Variants in PACS1 observed in about 807,000 individuals in gnomAD.
The protein encoded by PACS1 is phosphofurin acidic cluster sorting protein 1, also known as PACS-1.
Under a neutral mutation model 115.0 loss-of-function variants are expected in PACS1, and 24 were observed. The observed-to-expected ratio is 0.21, with a 90% CI of 0.15 to 0.29. The LOEUF is 0.29. Ranked by LOEUF, PACS1 falls within the 10% of genes least tolerant of loss-of-function variation. The pLI is 1.00. For missense variants in PACS1, 838 were observed against 1,251.2 expected (o/e 0.67, Z 4.98); for synonymous variants, 453 against 504.5 (o/e 0.90, Z 1.37).
chr11:66,150,472 G>GAAA (rs5792382), intron 1 of PACS1, among the ~76,000 whole-genome samples: 1 of 148,646 alleles, frequency 6.7e-6, no homozygotes, highest in Non-Finnish European at 1.5e-5. Flanking sequence ...CACTAAAATA[G>GAAA]AAAAAAAAAA....
At chr11:66,074,506 A>C (rs1379541893) in intron 1 of PACS1, among the ~76,000 whole-genome samples, 1 of 152,156 alleles carries the variant, frequency 6.6e-6, no homozygotes, top group Non-Finnish European at 1.5e-5. Context: ...GGAGAGGCAG[A>C]AAAATTACTA....
intron 11 of PACS1, 33 bp from the exon 12 acceptor site, chr11:66,230,515 G>T: frequency 6.6e-7 from 1 of 1,506,324 alleles, no homozygotes. Flanking sequence ...TGAGTGGGAG[G>T]TCATCTTCAC....
intron 10 of PACS1, among the ~76,000 whole-genome samples, chr11:66,225,838 G>A (rs1227460280): frequency 6.6e-6 from 1 of 152,124 alleles, no homozygotes; most frequent in Non-Finnish European, 1.5e-5. Flanking sequence ...CTAGTCTCAG[G>A]TCTAACCAGA....
chr11:66,234,685 C>G (rs1450467772), intron 17 of PACS1, among the ~76,000 whole-genome samples: 1 of 152,110 alleles, frequency 6.6e-6, no homozygotes, highest in Non-Finnish European at 1.5e-5. Context: ...CAAGACCAGC[C>G]TGGGCAACAT....
chr11:66,230,743 G>C, intron 12 of PACS1, 62 bp from the exon 13 acceptor site: 2 of 1,612,950 alleles, frequency 1.2e-6, no homozygotes, highest in South Asian at 1.1e-5. Context: ...GGAAAGCGGG[G>C]CTGGCAGCAG....
chr11:66,090,799 A>G (rs1456141470), intron 1 of PACS1, among the ~76,000 whole-genome samples: 3 of 152,292 alleles, frequency 2.0e-5, no homozygotes, highest in Admixed American at 6.5e-5. Context: ...TATAGGTGAT[A>G]TATTATTATA....
intron 1 of PACS1, among the ~76,000 whole-genome samples, chr11:66,152,415 C>T (rs1201600163): frequency 3.3e-5 from 5 of 152,036 alleles, no homozygotes; most frequent in Admixed American, 3.3e-4. Flanking sequence ...CATAAGTGTA[C>T]TTGGAGTCTT....
At chr11:66,231,498 T>G (rs1258035542) in intron 13 of PACS1, among the ~76,000 whole-genome samples, 1 of 152,224 alleles carries the variant, frequency 6.6e-6, no homozygotes, top group Non-Finnish European at 1.5e-5. Context: ...GTCAGAGATC[T>G]GGGACAGGGA....
chr11:66,187,651 T>C (rs1285222117), intron 1 of PACS1, among the ~76,000 whole-genome samples: 1 of 152,226 alleles, frequency 6.6e-6, no homozygotes, highest in African/African-American at 2.4e-5. Flanking sequence ...CACTTTTTTA[T>C]GGCTGAATAG....
At chr11:66,183,758 A>G (rs1352751639) in intron 1 of PACS1, among the ~76,000 whole-genome samples, 6 of 152,226 alleles carry the variant, frequency 3.9e-5, no homozygotes, top group Admixed American at 3.9e-4. Context: ...CCTGGTAGGC[A>G]GCCTCAAGAG....
chr11:66,117,409 G>A (rs1280536291), intron 1 of PACS1, among the ~76,000 whole-genome samples: 3 of 146,390 alleles, frequency 2.0e-5, no homozygotes, highest in East Asian at 2.0e-4. Context: ...GCAGTGAGCC[G>A]AGATCGCACC....
chr11:66,176,666 C>T (rs1859871000), intron 1 of PACS1, among the ~76,000 whole-genome samples: 1 of 152,156 alleles, frequency 6.6e-6, no homozygotes, highest in African/African-American at 2.4e-5. Context: ...CGCCTGCCTC[C>T]GCCTCCCAAA....
chr11:66,149,679 C>CGT (rs57522847), intron 1 of PACS1, among the ~76,000 whole-genome samples: 70 of 118,420 alleles, frequency 5.9e-4, no homozygotes, highest in African/African-American at 1.9e-3. Context: ...ATCTTGTGTT[C>CGT]GTGTGTGTGT....
intron 3 of PACS1, 38 bp downstream of exon 3, chr11:66,210,489 A>C: frequency 2.1e-6 from 3 of 1,397,654 alleles, no homozygotes; most frequent in Non-Finnish European, 3.1e-6. Context: ...AACATGCTAT[A>C]TCCTGGCTAG....
chr11:66,241,548 A>C lies in PACS1; in HGVS notation c.2551A>C (p.Ser851Arg). The C allele has an allele frequency of 6.2e-7, 1 of 1,614,150 alleles. No homozygotes were observed. Among genetic ancestry groups the C allele is most frequent in the Non-Finnish European group, 8.5e-7 (1 of 1,180,004 alleles). ...CGCCAGCTCGAAGAACACCCTCAAG[A>C]GTGTCTTCCGCTCAGTGCAGGTGTC... ...RDASSKNTLKSVFRSVQVSRL... is the reference protein window; with the variant it reads ...RDASSKNTLKRVFRSVQVSRL... The change falls in exon 22 of 24, where the codon AGT becomes CGT. Residue 851 changes from serine to arginine, a missense_variant. By Grantham distance (110) the Ser-to-Arg change is moderately radical. Transcript: ENST00000320580.
chr11:66,159,652 T>A (rs940739838), intron 1 of PACS1, among the ~76,000 whole-genome samples: 1 of 152,132 alleles, frequency 6.6e-6, no homozygotes, highest in African/African-American at 2.4e-5. Context: ...AAATGTAGGA[T>A]GGCAGCTGTT....
At chr11:66,137,697 C>T (rs545315307) in intron 1 of PACS1, among the ~76,000 whole-genome samples, 228 of 152,222 alleles carry the variant, frequency 1.5e-3, no homozygotes, top group African/African-American at 5.3e-3. Context: ...TAATATTGGC[C>T]ATTGTAGGGC....
At chr11:66,206,680 A>G (rs1854947681) in intron 2 of PACS1, among the ~76,000 whole-genome samples, 1 of 152,172 alleles carries the variant, frequency 6.6e-6, no homozygotes. Context: ...ACTAAGATAA[A>G]GGGGACCGAG....
chr11:66,107,466 C>T (rs887692265), intron 1 of PACS1, among the ~76,000 whole-genome samples: 1 of 152,128 alleles, frequency 6.6e-6, no homozygotes, highest in Admixed American at 6.6e-5. Context: ...CTCCCTGTTT[C>T]CAGGTAGAAT....
Sources: gnomAD v4.1 joint callset for allele counts (sites outside exome capture counted in the v4.1 genomes callset) on GRCh38, gnomAD v4.1.1 for gene constraint, MANE v1.5 for transcripts, NCBI Gene and HGNC (gene_info 2026-07-23, HGNC 2026-07-21) for gene names.